The following ZNF343 variants were observed in gnomAD, a reference collection of about 807,000 sequenced individuals.
The protein encoded by ZNF343 is zinc finger protein 343.
A neutral mutation model predicts 13.8 loss-of-function variants in ZNF343; 11 were observed. The ratio of observed to expected loss-of-function variants is 0.80; its 90% CI spans 0.50 to 1.32. The LOEUF is 1.32. Among genes scored for constraint, ZNF343 ranks in the 40% most tolerant of loss-of-function variants. The pLI is 0.00. For missense variants in ZNF343, 658 were observed against 714.2 expected (o/e 0.92, Z 0.90); for synonymous variants, 248 against 260.0 (o/e 0.95, Z 0.44).
Position 2,482,512 on chromosome 20 carries a change from C to A in ZNF343, c.*649G>T, listed in dbSNP as rs553524654. Reference sequence around the variant, plus strand: ...AGTCAAGGGTTGGGGCCAGAAGGTACCCCTGCAAAGGTGCATTGCCCCTGT... The same window carrying A: ...AGTCAAGGGTTGGGGCCAGAAGGTAACCCTGCAAAGGTGCATTGCCCCTGT... On this transcript the variant is annotated 3_prime_UTR_variant, in exon 6 of 6. Coordinates refer to ENST00000278772, the MANE Select transcript of ZNF343 (RefSeq NM_024325.6). 2.6e-5 allele frequency: 4 copies of A among 153,028 alleles called. No homozygotes were observed. The highest frequency in any genetic ancestry group is 9.6e-5 in the African/African-American group (4 of 41,532). 9.5% of individuals were successfully genotyped at this position (153,028 alleles called of 1,614,324 possible). A position where few individuals can be genotyped will look rare whatever the true frequency, so the allele number is the denominator to read the frequency against.
chr20:2,483,030 C>T lies in ZNF343; in HGVS notation c.*131G>A. ...CCCTCCCATGCCTGATAAGGGCTGACACATCTCTGGAACTTCACTCACAAT... is the reference window on the plus strand; with the variant it reads ...CCCTCCCATGCCTGATAAGGGCTGATACATCTCTGGAACTTCACTCACAAT... On this transcript the variant is annotated 3_prime_UTR_variant, in exon 6 of 6. Transcript: ENST00000278772. 8.8e-7 allele frequency: 1 copy of T among 1,132,018 alleles called. No individual in the cohort carries two copies. Among genetic ancestry groups the T allele is most frequent in the Non-Finnish European group, 1.2e-6 (1 of 808,436 alleles). The allele number at this position is 1,132,018 out of a possible 1,614,324, so 70.1% of individuals were successfully genotyped here.
In ZNF343 at chr20:2,484,362, T is replaced by C. The variant is rs751610856; in HGVS notation, c.599A>G (p.Gln200Arg). The change falls in exon 6 of 6, where the codon CAG (glutamine) becomes CGG (arginine). Residue 200 changes from glutamine to arginine, a missense_variant. Coordinates refer to ENST00000278772, the MANE Select transcript of ZNF343 (RefSeq NM_024325.6). ...GTTGCCTTTTCTAGGACTTGCTGACTGTCTTTGGAGTGGGCTGGGGAATGC... is the reference window on the plus strand; with the variant it reads ...GTTGCCTTTTCTAGGACTTGCTGACCGTCTTTGGAGTGGGCTGGGGAATGC... The part of the protein sequence containing the change: ...SRAFPSPLQR[Q>R]SASPRKGNMV... 3 of 1,614,258 alleles carry C rather than the reference T, an allele frequency of 1.9e-6. No individual in the cohort carries two copies. In the South Asian group the frequency reaches 3.3e-5, roughly 18 times the overall value.
chr20:2,501,419 C>T (rs1332282688), intron 1 of ZNF343, among the ~76,000 whole-genome samples: 1 of 152,188 alleles, frequency 6.6e-6, no homozygotes, highest in Non-Finnish European at 1.5e-5. Flanking sequence ...CAGCAGAATC[C>T]TCTGCAGACT....
chr20:2,489,627 C>G lies in ZNF343; in HGVS notation c.304+3072G>C, dbSNP rs147431504. 5.7e-3 allele frequency among the ~76,000 whole-genome samples: 867 copies of G among 152,260 alleles called. 5 individuals carry two copies. Among genetic ancestry groups the G allele is most frequent in the Middle Eastern group, 0.02 (6 of 294 alleles). On this transcript the variant is annotated intron_variant, in intron 5 of 5. Coordinates refer to ENST00000278772, the MANE Select transcript of ZNF343 (RefSeq NM_024325.6). ...GCTCCTTTTGCTTGGATCCCAGAAC[C>G]AAAATAGCTGAACCACACCTGAAGT...
upstream of ZNF343, among the ~76,000 whole-genome samples, chr20:2,511,066 T>C (rs1274565538): frequency 6.6e-6 from 1 of 152,052 alleles, no homozygotes; most frequent in Non-Finnish European, 1.5e-5. Flanking sequence ...AATGTGACCT[T>C]CTCAAGTTTT....
Position 2,483,987 on chromosome 20 carries a change from T to A in ZNF343, c.974A>T (p.Tyr325Phe). ...GCTTTGCCCACACTCCCTGCACAAA[T>A]AAGGCTTCTCTTCTGAATGTGTTCT... ...HQRTHSEEKP[Y>F]LCRECGQSFR... The change falls in exon 6 of 6, where the codon TAT (tyrosine) becomes TTT (phenylalanine). Residue 325 changes from tyrosine to phenylalanine, a missense_variant. Transcript: ENST00000278772. 1 of 1,614,160 alleles carries A rather than the reference T, an allele frequency of 6.2e-7. No homozygotes were observed. Among genetic ancestry groups the A allele is most frequent in the East Asian group, 2.2e-5 (1 of 44,878 alleles).
chr20:2,493,739 C>T, intron 3 of ZNF343, 39 bp downstream of exon 3: 1 of 1,557,832 alleles, frequency 6.4e-7, no homozygotes. Flanking sequence ...GGAGCCTTGG[C>T]TTCCTCTTCA....
At chr20:2,497,901 T>TATGGCTCCTCCAC (rs1315631630) in intron 2 of ZNF343, among the ~76,000 whole-genome samples, 1 of 141,956 alleles carries the variant, frequency 7.0e-6, no homozygotes, top group East Asian at 2.4e-4. Context: ...GGCTCCTCCA[T>TATGGCTCCTCCAC]ATGGCTCCTC....
chr20:2,502,417 A>G (rs2085584162), intron 1 of ZNF343, among the ~76,000 whole-genome samples: 1 of 152,334 alleles, frequency 6.6e-6, no homozygotes, highest in South Asian at 2.1e-4. Flanking sequence ...AACTTCCCCA[A>G]CCTAGCAAGG....
chr20:2,493,530 C>T lies in ZNF343; in HGVS notation c.166G>A (p.Ala56Thr). The change falls in exon 4 of 6, where the codon GCC (alanine) becomes ACC (threonine). Residue 56 changes from alanine (A) to threonine (T), a missense_variant. Physicochemically the swap from Ala to Thr is moderately conservative, Grantham distance 58. Transcript: ENST00000278772. ...TDCPQKKEGK[A>T]QIVVPVTFRD... is the part of the protein sequence containing the mutation. ...TAACCCCAACTCACCACTATTTGGGCCTTTCCCTCCTTTTTCTGGGGGCAG... is the reference window on the plus strand; with the variant it reads ...TAACCCCAACTCACCACTATTTGGGTCTTTCCCTCCTTTTTCTGGGGGCAG... The T allele has an allele frequency of 1.2e-6, 2 of 1,613,818 alleles. No individual in the cohort carries two copies. Among genetic ancestry groups the T allele is most frequent in the Non-Finnish European group, 1.7e-6 (2 of 1,179,868 alleles).
intron 5 of ZNF343, among the ~76,000 whole-genome samples, chr20:2,489,451 T>C (rs537370974): frequency 1.1e-4 from 17 of 152,218 alleles, no homozygotes; most frequent in Non-Finnish European, 2.4e-4. Context: ...CCCACCACGA[T>C]GACATCAGAC....
At chr20:2,502,330 G>A (rs1156855119) in intron 1 of ZNF343, among the ~76,000 whole-genome samples, 3 of 152,170 alleles carry the variant, frequency 2.0e-5, no homozygotes, top group Admixed American at 6.5e-5. Flanking sequence ...CCAAATCTAC[G>A]TCTGATTGGT....
upstream of ZNF343, among the ~76,000 whole-genome samples, chr20:2,510,837 CAG>C (rs1346283685): frequency 6.6e-6 from 1 of 152,158 alleles, no homozygotes; most frequent in African/African-American, 2.4e-5. Flanking sequence ...TGACCAAAAT[CAG>C]GGGTTTGTAT....
At position 2,508,364 on chromosome 20, in the gene ZNF343, G is replaced by C. The variant is rs942297931; in HGVS notation, c.-237+517C>G. On this transcript the variant is annotated intron_variant, in intron 1 of 5. Coordinates refer to ENST00000278772, the MANE Select transcript of ZNF343 (RefSeq NM_024325.6). This position sits in a 1 kb window ranked among gnomAD's most constrained non-coding sequence, Gnocchi z 4.5. The stretch of plus-strand genomic sequence containing the variant: ...CCCCTAACCACCCCGGTCACCACTC[G>C]GGACATATCCAGCCCCACCCAAAAA... 6.6e-6 allele frequency among the ~76,000 whole-genome samples: 1 copy of C among 151,366 alleles called. No homozygotes were observed. Among genetic ancestry groups the C allele is most frequent in the Non-Finnish European group, 1.5e-5 (1 of 67,938 alleles).
At chr20:2,493,618 C>A (rs879084391) in intron 3 of ZNF343, 41 bp from the exon 4 acceptor site, 2 of 866,010 alleles carry the variant, frequency 2.3e-6, no homozygotes, top group African/African-American at 2.3e-5. Context: ...CAGACCCCCC[C>A]ACCCCCCACC....
At chr20:2,519,851 T>C (rs2122762859) in intron 1 of ZNF343, among the ~76,000 whole-genome samples, 1 of 152,334 alleles carries the variant, frequency 6.6e-6, no homozygotes, top group African/African-American at 2.4e-5. Flanking sequence ...GAATTCACCA[T>C]AGGGAGATGA....
At chr20:2,502,224 T>C (rs1322480569) in intron 1 of ZNF343, among the ~76,000 whole-genome samples, 1 of 151,918 alleles carries the variant, frequency 6.6e-6, no homozygotes, top group East Asian at 1.9e-4. Flanking sequence ...TGATGGAAGA[T>C]CAAATGAATG....
intron 1 of ZNF343, among the ~76,000 whole-genome samples, chr20:2,502,374 T>C (rs2085583353): frequency 6.6e-6 from 1 of 152,308 alleles, no homozygotes; most frequent in South Asian, 2.1e-4. Flanking sequence ...TGGAACCAAG[T>C]TGGAAAACAC....
At chr20:2,498,174 C>T (rs575281152) in intron 2 of ZNF343, among the ~76,000 whole-genome samples, 9 of 152,268 alleles carry the variant, frequency 5.9e-5, no homozygotes, top group African/African-American at 1.9e-4. Flanking sequence ...CTGACCAACA[C>T]GGAGAAGCCC....
Sources: gnomAD v4.1 joint callset for allele counts (sites outside exome capture counted in the v4.1 genomes callset) on GRCh38, gnomAD v4.1.1 for gene constraint, Gnocchi (gnomAD v3.1) non-coding constraint, MANE v1.5 for transcripts, NCBI Gene and HGNC (gene_info 2026-07-23, HGNC 2026-07-21) for gene names.